Variants in OR10J1 observed in about 807,000 individuals in gnomAD.
The protein encoded by OR10J1 is olfactory receptor 10J1.
For missense variants in OR10J1, 474 were observed against 376.6 expected (o/e 1.26, Z -2.14); for synonymous variants, 202 against 143.8 (o/e 1.40, Z -2.89).
chr1:159,405,730 A>C, the OR10J1 span: 1 of 836,278 alleles, frequency 1.2e-6, no homozygotes, highest in African/African-American at 1.7e-5. Flanking sequence ...ATAGGAGATA[A>C]AGATCAGGGC....
At chr1:159,399,876 C>T in the OR10J1 span, among the ~76,000 whole-genome samples, 1 of 151,876 alleles carries the variant, frequency 6.6e-6, no homozygotes, top group Non-Finnish European at 1.5e-5. Context: ...AGTGGGAGGA[C>T]AAAGTTAAGG....
chr1:159,418,089 C>T, the OR10J1 span, among the ~76,000 whole-genome samples: 2 of 152,114 alleles, frequency 1.3e-5, no homozygotes, highest in African/African-American at 4.8e-5. Flanking sequence ...CTGTTAAAAG[C>T]ATTTAGTTTT....
the OR10J1 span, among the ~76,000 whole-genome samples, chr1:159,411,755 T>C: frequency 0.065 from 9,945 of 152,178 alleles, 710 homozygotes; most frequent in East Asian, 0.41. Context: ...TGTTAGCTGG[T>C]TATTTTGCTC....
the OR10J1 span, among the ~76,000 whole-genome samples, chr1:159,401,333 A>G: frequency 6.6e-6 from 1 of 152,026 alleles, no homozygotes; most frequent in Non-Finnish European, 1.5e-5. Flanking sequence ...GAAAAGTTAA[A>G]CAAAATTGAC....
the OR10J1 span, among the ~76,000 whole-genome samples, chr1:159,421,192 C>T: frequency 6.6e-6 from 1 of 152,002 alleles, no homozygotes; most frequent in Non-Finnish European, 1.5e-5. Flanking sequence ...CTGAAGATTT[C>T]AAATGTATTT....
the OR10J1 span, among the ~76,000 whole-genome samples, chr1:159,429,466 T>A: frequency 1.3e-5 from 2 of 152,176 alleles, no homozygotes; most frequent in Admixed American, 6.5e-5. Flanking sequence ...CTCCCCATAA[T>A]GCGATCATGA....
the OR10J1 span, among the ~76,000 whole-genome samples, chr1:159,404,959 A>T: frequency 6.6e-6 from 1 of 152,120 alleles, no homozygotes; most frequent in Non-Finnish European, 1.5e-5. Context: ...AGTGTGATAA[A>T]CGGTAATTCC....
chr1:159,440,129 T>C lies in OR10J1; in HGVS notation c.338T>C (p.Phe113Ser). ...GTAACCTTTGGCATCACTAACTGCT[T>C]CCTGCTCACAGCAATGGGATATGAC... ...FFVTFGITNC[F>S]LLTAMGYDRY... The change falls in exon 1 of 1, where the codon TTC (phenylalanine) becomes TCC (serine). Residue 113 changes from phenylalanine to serine, a missense_variant. Phe to Ser is a radical substitution (Grantham distance 155). Transcript: ENST00000423932. 1.2e-6 allele frequency: 2 copies of C among 1,614,176 alleles called. No individual in the cohort carries two copies. Among genetic ancestry groups the C allele is most frequent in the Non-Finnish European group, 1.7e-6 (2 of 1,180,022 alleles).
At chr1:159,417,283 A>G in the OR10J1 span, among the ~76,000 whole-genome samples, 1 of 152,062 alleles carries the variant, frequency 6.6e-6, no homozygotes. Flanking sequence ...CTTTCAATAA[A>G]TCTTATTTCC....
In OR10J1 at chr1:159,440,578, TCAGAGAACAC is replaced by T. The variant is rs1166267542; in HGVS notation, c.797_806del (p.Thr266MetfsTer4). 6 of 1,613,768 alleles carry T rather than the reference TCAGAGAACAC, an allele frequency of 3.7e-6. No individual in the cohort carries two copies. The African/African-American group carries it at 6.7e-5, about 18-fold the overall frequency. ...CTCCATTGCCTACCTCAAGCCCAAG[TCAGAGAACAC>T]CAGAGAACATGACCAGCTGATCTCG... On this transcript the variant is annotated frameshift_variant, in exon 1 of 1. Transcript: ENST00000423932. LOFTEE classifies it low-confidence loss of function (END_TRUNC).
Position 159,440,965 on chromosome 1 carries a change from G to A in OR10J1, c.*244G>A. 1 of 406,312 alleles carries A rather than the reference G, an allele frequency of 2.5e-6. No individual in the cohort carries two copies. The highest frequency in any genetic ancestry group is 3.9e-5 in the East Asian group (1 of 25,920). The allele number at this position is 406,312 out of a possible 1,614,324, so 25.2% of individuals were successfully genotyped here. On this transcript the variant is annotated 3_prime_UTR_variant, in exon 1 of 1. Coordinates refer to ENST00000423932, the MANE Select transcript of OR10J1 (RefSeq NM_012351.3). Reference sequence around the variant, plus strand: ...ATATGCCTAAATAAAAGGCCAGAAAGTAGTATGGGCTGAGAATTTTTTACT... The same window carrying A: ...ATATGCCTAAATAAAAGGCCAGAAAATAGTATGGGCTGAGAATTTTTTACT...
the OR10J1 span, chr1:159,405,880 C>A: frequency 1.5e-6 from 1 of 653,882 alleles, no homozygotes; most frequent in Admixed American, 2.2e-5. Flanking sequence ...AAAGGGCAGG[C>A]CAAACATAGA....
chr1:159,433,327 G>T (rs1390644372), upstream of OR10J1, among the ~76,000 whole-genome samples: 1 of 152,092 alleles, frequency 6.6e-6, no homozygotes, highest in Non-Finnish European at 1.5e-5. Flanking sequence ...AGATGGATTT[G>T]CCAAGTCAGA....
chr1:159,409,570 C>A, the OR10J1 span, among the ~76,000 whole-genome samples: 1 of 152,032 alleles, frequency 6.6e-6, no homozygotes, highest in African/African-American at 2.4e-5. Flanking sequence ...GATTTTATAT[C>A]TTCACAAACT....
At chr1:159,432,638 G>T in the OR10J1 span, 1 of 448,810 alleles carries the variant, frequency 2.2e-6, no homozygotes, top group Admixed American at 3.5e-5. Flanking sequence ...GTATACAACT[G>T]GTCAGTGGAT....
the OR10J1 span, among the ~76,000 whole-genome samples, chr1:159,413,842 TAATAA>T: frequency 6.6e-6 from 1 of 151,470 alleles, no homozygotes; most frequent in East Asian, 1.9e-4. Flanking sequence ...AGTATAATAA[TAATAA>T]AATAAAATAA....
chr1:159,411,850 G>C, the OR10J1 span, among the ~76,000 whole-genome samples: 26 of 151,974 alleles, frequency 1.7e-4, no homozygotes, highest in Non-Finnish European at 1.5e-5. Context: ...AGTTAGGCAG[G>C]AGAAGGAAAT....
the OR10J1 span, among the ~76,000 whole-genome samples, chr1:159,424,453 TA>T: frequency 4.1e-5 from 2 of 48,910 alleles, no homozygotes; most frequent in Admixed American, 2.4e-4. Context: ...AATATGTAAA[TA>T]TATAATATAA....
chr1:159,419,388 G>A, the OR10J1 span, among the ~76,000 whole-genome samples: 1 of 152,140 alleles, frequency 6.6e-6, no homozygotes, highest in Non-Finnish European at 1.5e-5. Context: ...TAGTGAATAA[G>A]TCTCATGAGA....
Sources: allele counts gnomAD v4.1 joint callset (sites outside exome capture counted in the v4.1 genomes callset), GRCh38; gene constraint gnomAD v4.1.1; transcripts MANE v1.5; gene names NCBI Gene and HGNC (gene_info 2026-07-23, HGNC 2026-07-21).